The following TP53BP1 variants were observed in gnomAD, a reference collection of about 807,000 sequenced individuals.
TP53BP1 encodes the protein tumor protein p53 binding protein 1, also known as TP53-binding protein 1.
Under a neutral mutation model 200.8 loss-of-function variants are expected in TP53BP1, and 61 were observed. The observed-to-expected ratio is 0.30, with a 90% CI of 0.25 to 0.38. The LOEUF (loss-of-function observed/expected upper bound fraction) is 0.38, where lower values mean the gene tolerates loss of function less well. Ranked by LOEUF, TP53BP1 falls within the 10% of genes least tolerant of loss-of-function variation. TP53BP1 has a pLI of 1.00. For synonymous variants in TP53BP1, 822 were observed against 844.3 expected (o/e 0.97, Z 0.46); for missense variants, 2,144 against 2,371.9 (o/e 0.90, Z 2.00).
Position 43,476,415 on chromosome 15 carries a change from A to T in TP53BP1, c.956-721T>A, listed in dbSNP as rs148336947. On this transcript the variant is annotated intron_variant, in intron 8 of 27. Coordinates refer to ENST00000382044, the MANE Select transcript of TP53BP1 (RefSeq NM_001141980.3). The stretch of plus-strand genomic sequence containing the variant: ...GGTGAAGTCAAGCTCATGCCATGAT[A>T]CAGATGGGAGAAGTCAAAAAAATGC... Among the ~76,000 whole-genome samples, 55 of 152,334 alleles carry T rather than the reference A, an allele frequency of 3.6e-4. 1 individual carries two copies. In the South Asian group the frequency reaches 7.9e-3, roughly 22 times the overall value.
At chr15:43,455,168 C>T (rs2046263997) in intron 12 of TP53BP1, among the ~76,000 whole-genome samples, 1 of 151,910 alleles carries the variant, frequency 6.6e-6, no homozygotes, top group Admixed American at 6.6e-5. Flanking sequence ...TACCTAATGC[C>T]CATAAAAAGG....
chr15:43,456,323 A>G lies in TP53BP1; in HGVS notation c.2285T>C (p.Val762Ala). 6.2e-7 allele frequency: 1 copy of G among 1,614,142 alleles called. No homozygotes were observed. Among genetic ancestry groups the G allele is most frequent in the Non-Finnish European group, 8.5e-7 (1 of 1,180,042 alleles). ...AGATGGCTCTTTCACATCTACAATG[A>G]CAACACTGGAGTCCTCTGAAGTAGC... Reference protein sequence around the residue: ...EEATSEDSSVVIVDVKEPSPR... With the variant: ...EEATSEDSSVAIVDVKEPSPR... The change falls in exon 12 of 28, where the codon GTC (valine) becomes GCC (alanine). Residue 762 changes from valine to alanine, a missense_variant. Transcript: ENST00000382044.
intron 26 of TP53BP1, 98 bp downstream of exon 26, chr15:43,408,799 A>T: frequency 8.1e-7 from 1 of 1,234,222 alleles, no homozygotes; most frequent in Non-Finnish European, 1.2e-6. Context: ...CAGACATTCC[A>T]ATTTCTAGAA....
chr15:43,473,730 G>A (rs1311174351), intron 10 of TP53BP1, among the ~76,000 whole-genome samples: 3 of 152,178 alleles, frequency 2.0e-5, no homozygotes, highest in African/African-American at 7.2e-5. Flanking sequence ...ACAGAGTGCC[G>A]ATTGGTGTAT....
At chr15:43,452,242 ATTTAT>A (rs1479540390) in intron 12 of TP53BP1, among the ~76,000 whole-genome samples, 1 of 152,162 alleles carries the variant, frequency 6.6e-6, no homozygotes, top group East Asian at 1.9e-4. Context: ...CTTCTGAATG[ATTTAT>A]TTTATACAAT....
At position 43,475,581 on chromosome 15, in the gene TP53BP1, G is replaced by A; in HGVS notation, c.1069C>T (p.Gln357Ter). 1 of 1,614,130 alleles carries A rather than the reference G, an allele frequency of 6.2e-7. No homozygotes were observed. The highest frequency in any genetic ancestry group is 2.2e-5 in the East Asian group (1 of 44,880). The change falls in exon 9 of 28, where the codon CAG becomes TAG. Residue 357 changes from glutamine to a stop codon, truncating the protein, a stop_gained. Coordinates refer to ENST00000382044, the MANE Select transcript of TP53BP1 (RefSeq NM_001141980.3). LOFTEE classifies it high-confidence loss of function. ...CTTACTTACGTGGAAAGACTGTCCTGAACAAGGGACCTCTGACCAGAGAGC... is the reference window on the plus strand; with the variant it reads ...CTTACTTACGTGGAAAGACTGTCCTAAACAAGGGACCTCTGACCAGAGAGC... ...LQLSGQRSLVQDSLSTNSSDL... is the reference protein window; with the variant it reads ...LQLSGQRSLV
chr15:43,443,461 GCAGGAGGATCGCTTGAGCC>G (rs2045973220), intron 14 of TP53BP1, among the ~76,000 whole-genome samples: 1 of 152,166 alleles, frequency 6.6e-6, no homozygotes, highest in Non-Finnish European at 1.5e-5. Context: ...AGAGGCCAAG[GCAGGAGGATCGCTTGAGCC>G]CAGGAGTTCA....
intron 18 of TP53BP1, among the ~76,000 whole-genome samples, chr15:43,423,629 G>A (rs1595535751): frequency 6.6e-6 from 1 of 150,396 alleles, no homozygotes; most frequent in Non-Finnish European, 1.5e-5. Context: ...CTGCACTCCA[G>A]CCTGGACAAC....
chr15:43,435,752 G>A (rs547962563), intron 16 of TP53BP1, among the ~76,000 whole-genome samples: 34 of 151,980 alleles, frequency 2.2e-4, no homozygotes, highest in African/African-American at 8.2e-4. Flanking sequence ...CTGTAGTGCA[G>A]TGGCACCATC....
In TP53BP1 at chr15:43,492,438, A is replaced by G. The variant is rs1226814786; in HGVS notation, c.38T>C (p.Leu13Ser). The G allele has an allele frequency of 1.2e-6, 2 of 1,613,864 alleles. No individual in the cohort carries two copies. Among genetic ancestry groups the G allele is most frequent in the East Asian group, 2.2e-5 (1 of 44,896 alleles). Residue 13 changes from leucine (L) to serine (S), a missense_variant, in exon 2 of 28, where the codon TTG (leucine) becomes TCG (serine). Physicochemically the swap from Leu to Ser is moderately radical, Grantham distance 145 (BLOSUM62 -2). This residue lies in a region of TP53BP1 where 1,700 missense variants were observed against 1,710.3 expected (regional missense o/e 0.99). Coordinates refer to ENST00000382044, the MANE Select transcript of TP53BP1 (RefSeq NM_001141980.3). ...ATCTTGCTGAGAGAAATCTGAATCC[A>G]ACTGACTTCCAGTAGGGTCCATCTG... ...GEQMDPTGSQ[L>S]DSDFSQQDTP...
At position 43,455,965 on chromosome 15, in the gene TP53BP1, G is replaced by C; in HGVS notation, c.2643C>G (p.Ser881Arg). Residue 881 changes from serine (S) to arginine (R), a missense_variant, in exon 12 of 28, where the codon AGC becomes AGG. Transcript: ENST00000382044. ...DSKMANAKQL[S>R]SDAEAQKLGK... ...CCAGCTTCTGGGCCTCTGCATCTGA[G>C]CTTAGCTGCTTTGCATTAGCCATTT... 6.2e-7 allele frequency: 1 copy of C among 1,614,190 alleles called. No homozygotes were observed. The highest frequency in any genetic ancestry group is 8.5e-7 in the Non-Finnish European group (1 of 1,180,034).
rs1332989196 is a variant in TP53BP1, at chr15:43,406,559, G to A, written c.*824C>T. 4 of 455,564 alleles carry A rather than the reference G, an allele frequency of 8.8e-6. No individual in the cohort carries two copies. Among genetic ancestry groups the A allele is most frequent in the Admixed American group, 2.4e-5 (1 of 42,514 alleles). The allele number at this position is 455,564 out of a possible 1,614,324, so 28.2% of individuals were successfully genotyped here. A position where few individuals can be genotyped will look rare whatever the true frequency, so the allele number is the denominator to read the frequency against. ...GGCGAGTAGTTGTGATGGATCAAATGGCCCACAAAGCCTGAAATATTTACT... is the reference window on the plus strand; with the variant it reads ...GGCGAGTAGTTGTGATGGATCAAATAGCCCACAAAGCCTGAAATATTTACT... On this transcript the variant is annotated 3_prime_UTR_variant, in exon 28 of 28. Coordinates refer to ENST00000382044, the MANE Select transcript of TP53BP1 (RefSeq NM_001141980.3).
intron 24 of TP53BP1, among the ~76,000 whole-genome samples, chr15:43,410,848 A>C (rs1474377887): frequency 6.6e-6 from 1 of 152,202 alleles, no homozygotes; most frequent in South Asian, 2.1e-4. Flanking sequence ...AGTTCTGACT[A>C]GCCAACCTAT....
In TP53BP1 at chr15:43,420,722, G is replaced by T. The variant is rs2045375498; in HGVS notation, c.4264C>A (p.Pro1422Thr). Residue 1422 changes from proline (P) to threonine (T), a missense_variant, in exon 21 of 28, where the codon CCT becomes ACT. This residue lies in a region of TP53BP1 where 1,700 missense variants were observed against 1,710.3 expected (regional missense o/e 0.99). Coordinates refer to ENST00000382044, the MANE Select transcript of TP53BP1 (RefSeq NM_001141980.3). Reference sequence around the variant, plus strand: ...ATGTCCTCTATGCCCAAGGGGCCAGGCACAGCTGTTTCTCTAAAGAGAGAT... The same window carrying T: ...ATGTCCTCTATGCCCAAGGGGCCAGTCACAGCTGTTTCTCTAAAGAGAGAT... ...RTTGTRETAV[P>T]GPLGIEDISP... is the part of the protein sequence containing the mutation. The T allele has an allele frequency of 6.2e-7, 1 of 1,613,158 alleles. No homozygotes were observed. The highest frequency in any genetic ancestry group is 1.1e-5 in the South Asian group (1 of 90,980).
In TP53BP1 at chr15:43,456,839, T is replaced by C. The variant is rs370597045; in HGVS notation, c.1769A>G (p.Lys590Arg). ...GEVQLSQNDD[K>R]TKGDDTDTRD... ...GGTGTCTGTATCATCTCCCTTTGTT[T>C]TGTCATCATTCTGACTCAGTTGTAC... The change falls in exon 12 of 28, where the codon AAA (lysine) becomes AGA (arginine). Residue 590 changes from lysine to arginine, a missense_variant. Coordinates refer to ENST00000382044, the MANE Select transcript of TP53BP1 (RefSeq NM_001141980.3). 49 of 1,613,904 alleles carry C rather than the reference T, an allele frequency of 3.0e-5. No homozygotes were observed. Among genetic ancestry groups the C allele is most frequent in the African/African-American group, 4.0e-5 (3 of 74,952 alleles).
In TP53BP1 at chr15:43,457,273, T is replaced by C. The variant is rs1307443596; in HGVS notation, c.1390-55A>G. On this transcript the variant is annotated intron_variant, in intron 11 of 27. Transcript: ENST00000382044. ...AATTTGTACATGATCATATATCTTTTATATCGAATCCTTGGATTCATATAA... is the reference window on the plus strand; with the variant it reads ...AATTTGTACATGATCATATATCTTTCATATCGAATCCTTGGATTCATATAA... The C allele has an allele frequency of 1.8e-5, 26 of 1,414,074 alleles. No homozygotes were observed. In the Middle Eastern group the frequency reaches 7.5e-4, roughly 41 times the overall value. 87.6% of individuals were successfully genotyped at this position (1,414,074 alleles called of 1,614,324 possible).
chr15:43,403,461 TAA>T lies in TP53BP1; in HGVS notation c.*3920_*3921del, dbSNP rs1451064025. ...CTAGATTGGAGGTTTGGTGCAGGGC[TAA>T]GAGAGTAATACTCGCTTAGCCAGGA... On this transcript the variant is annotated 3_prime_UTR_variant, in exon 28 of 28. Transcript: ENST00000382044. 1.3e-5 allele frequency: 6 copies of T among 478,736 alleles called. No homozygotes were observed. The highest frequency in any genetic ancestry group is 2.3e-5 in the Non-Finnish European group (6 of 264,470). The allele number at this position is 478,736 out of a possible 1,614,324, so 29.7% of individuals were successfully genotyped here.
At position 43,405,050 on chromosome 15, in the gene TP53BP1, T is replaced by G. The variant is rs1014343485; in HGVS notation, c.*2333A>C. ...CTCTCTAAAATGTCTGCAAGCAGATTTTTTTCTAAGCTATTGTAGCAGAAG... is the reference window on the plus strand; with the variant it reads ...CTCTCTAAAATGTCTGCAAGCAGATGTTTTTCTAAGCTATTGTAGCAGAAG... On this transcript the variant is annotated 3_prime_UTR_variant, in exon 28 of 28. Coordinates refer to ENST00000382044, the MANE Select transcript of TP53BP1 (RefSeq NM_001141980.3). 6.0e-6 allele frequency: 5 copies of G among 828,146 alleles called. No homozygotes were observed. The African/African-American group carries it at 7.0e-5, about 12-fold the overall frequency. 51.3% of individuals were successfully genotyped at this position (828,146 alleles called of 1,614,324 possible).
At chr15:43,435,267 C>CAAAAA (rs377275791) in intron 16 of TP53BP1, among the ~76,000 whole-genome samples, 933 of 55,506 alleles carry the variant, frequency 0.017, 43 homozygotes, top group African/African-American at 0.019. Flanking sequence ...GACCCCATCT[C>CAAAAA]AAAAAAAAAA....
Sources: allele counts gnomAD v4.1 joint callset (sites outside exome capture counted in the v4.1 genomes callset), GRCh38; gene constraint gnomAD v4.1.1; regional missense constraint gnomAD v4.1.1; transcripts MANE v1.5; gene names NCBI Gene and HGNC (gene_info 2026-07-23, HGNC 2026-07-21).